Variants in FECH observed in about 807,000 individuals in gnomAD.
FECH encodes the protein ferrochelatase, also known as ferrochelatase, mitochondrial.
A neutral mutation model predicts 56.9 loss-of-function variants in FECH; 40 were observed. The observed-to-expected ratio is 0.70, with a 90% CI of 0.55 to 0.92. The LOEUF (loss-of-function observed/expected upper bound fraction) is 0.92. Ranked by LOEUF, FECH falls within the 40% of genes least tolerant of loss-of-function variation. The probability of loss-of-function intolerance (pLI) is 0.00; values close to 1 mark genes in which losing one functional copy is unlikely to be tolerated. For missense variants in FECH, 431 were observed against 529.1 expected, an observed-to-expected ratio of 0.81 and a Z score of 1.82; for synonymous variants, 175 against 198.6, an observed-to-expected ratio of 0.88 and a Z score of 1.00.
At chr18:57,551,198 T>C (rs2050792660) in intron 10 of FECH, 117 bp downstream of exon 10, 1 of 794,162 alleles carries the variant, frequency 1.3e-6, no homozygotes, top group African/African-American at 1.8e-5. Context: ...TTTATTTTTG[T>C]AATTAATTGG....
Position 57,549,021 on chromosome 18 carries a change from G to A in FECH, c.*1691C>T, listed in dbSNP as rs1023002905. ...CACCAGCTCAGAGAATTCACTTCAC[G>A]GTGGGACGGTCACTCAAAGTCTACT... On this transcript the variant is annotated 3_prime_UTR_variant, in exon 11 of 11. Transcript: ENST00000262093. 1.1e-4 allele frequency: 17 copies of A among 152,062 alleles called. No individual in the cohort carries two copies. The highest frequency in any genetic ancestry group is 3.9e-4 in the African/African-American group (16 of 41,386). The allele number at this position is 152,062 out of a possible 1,614,324, so 9.4% of individuals were successfully genotyped here.
chr18:57,578,104 AAC>A (rs1167609322), intron 2 of FECH, among the ~76,000 whole-genome samples: 1 of 152,194 alleles, frequency 6.6e-6, no homozygotes. Flanking sequence ...CTGCTAGAAA[AAC>A]ACACAAATGA....
chr18:57,553,431 G>A (rs1228824373), intron 9 of FECH, among the ~76,000 whole-genome samples: 1 of 152,186 alleles, frequency 6.6e-6, no homozygotes, highest in Admixed American at 6.5e-5. Flanking sequence ...CAGAGAGGGT[G>A]AAGTCTCCTG....
intron 3 of FECH, 141 bp from the exon 4 acceptor site, chr18:57,571,681 C>T (rs1484509348): frequency 8.6e-7 from 1 of 1,162,456 alleles, no homozygotes; most frequent in African/African-American, 1.5e-5. Flanking sequence ...AGCTTGAGGT[C>T]ATTGACAATA....
intron 2 of FECH, among the ~76,000 whole-genome samples, chr18:57,579,283 GTA>G (rs563890271): frequency 1.5e-4 from 12 of 81,098 alleles, no homozygotes; most frequent in South Asian, 8.6e-4. Flanking sequence ...ATGTGTGTGT[GTA>G]TATATGTGTG....
chr18:57,563,603 A>AAAAAAAAAAAAAC, intron 5 of FECH, among the ~76,000 whole-genome samples: 1 of 150,930 alleles, frequency 6.6e-6, no homozygotes, highest in African/African-American at 2.4e-5. Context: ...AAAAAAAAAA[A>AAAAAAAAAAAAAC]AGTATGTTAT....
At chr18:57,578,129 T>C (rs943190502) in intron 2 of FECH, among the ~76,000 whole-genome samples, 3 of 152,214 alleles carry the variant, frequency 2.0e-5, no homozygotes, top group African/African-American at 7.2e-5. Context: ...TAATTTTTCT[T>C]CTAGGATTCC....
chr18:57,563,468 T>C (rs1475353489), intron 5 of FECH, among the ~76,000 whole-genome samples: 1 of 147,946 alleles, frequency 6.8e-6, no homozygotes, highest in Non-Finnish European at 1.5e-5. Context: ...TAATCCCAGC[T>C]ACTCAGGAGG....
chr18:57,568,015 C>T (rs2051041240), intron 4 of FECH: 1 of 152,210 alleles, frequency 6.6e-6, no homozygotes, highest in African/African-American at 2.4e-5. Context: ...CATAAGCAAA[C>T]TCCAAATGAC....
In FECH at chr18:57,550,724, G is replaced by T; in HGVS notation, c.1260C>A (p.Ser420Arg). The T allele has an allele frequency of 6.2e-7, 1 of 1,614,014 alleles. No homozygotes were observed. The highest frequency in any genetic ancestry group is 8.5e-7 in the Non-Finnish European group (1 of 1,179,994). ...VCRETKSFFT[S>R]QQL ...CCACCGGCGGGGGTCACAGCTGCTG[G>T]CTGGTGAAGAAGGATTTAGTCTCCC... The change falls in exon 11 of 11, where the codon AGC becomes AGA. Residue 420 changes from serine to arginine, a missense_variant. By Grantham distance (110) the Ser-to-Arg change is moderately radical. Transcript: ENST00000262093.
Position 57,545,908 on chromosome 18 carries a change from T to A in FECH, c.*4804A>T, listed in dbSNP as rs1355460315. ...GGGATCTAACATACAGCATGGCGAA[T>A]GTAGTTAATAATACTTCAAGTACTG... is the stretch of plus-strand genomic sequence containing the variant. On this transcript the variant is annotated 3_prime_UTR_variant, in exon 11 of 11. Transcript: ENST00000262093. Among the ~76,000 whole-genome samples, 1 of 152,194 alleles carries A rather than the reference T, an allele frequency of 6.6e-6. No individual in the cohort carries two copies. Among genetic ancestry groups the A allele is most frequent in the Non-Finnish European group, 1.5e-5 (1 of 68,034 alleles).
At chr18:57,555,244 T>C (rs2050853761) in intron 7 of FECH, among the ~76,000 whole-genome samples, 1 of 152,242 alleles carries the variant, frequency 6.6e-6, no homozygotes, top group Non-Finnish European at 1.5e-5. Context: ...AGGATGGTTC[T>C]CTCTCCCTCA....
chr18:57,554,284 C>T lies in FECH; in HGVS notation c.1053G>A (p.Glu351=), dbSNP rs2050837986. 1 of 1,614,192 alleles carries T rather than the reference C, an allele frequency of 6.2e-7. No homozygotes were observed. Among genetic ancestry groups the T allele is most frequent in the South Asian group, 1.1e-5 (1 of 91,084 alleles). Residue 351 remains glutamate, a synonymous_variant, in exon 9 of 11, where the codon GAG becomes GAA. Transcript: ENST00000262093. ...CCTCCTTGGCTAAAACTTGAGAGTA[C>T]TCGATGTCCAGCTCATACAGCGTTT... The part of the protein sequence containing the change: ...HIETLYELDI[E]YSQVLAKECG...
Position 57,550,586 on chromosome 18 carries a change from C to A in FECH, c.*126G>T. ...CCTCAAGAAACCACACAATTTGTAC[C>A]CAAAGGCTGTATATATATCAAGGAA... On this transcript the variant is annotated 3_prime_UTR_variant, in exon 11 of 11. Transcript: ENST00000262093. 1 of 1,220,874 alleles carries A rather than the reference C, an allele frequency of 8.2e-7. No homozygotes were observed. 75.6% of individuals were successfully genotyped at this position (1,220,874 alleles called of 1,614,324 possible). A position where few individuals can be genotyped will look rare whatever the true frequency, so the allele number is the denominator to read the frequency against.
intron 4 of FECH, among the ~76,000 whole-genome samples, chr18:57,569,396 C>T (rs1457307239): frequency 6.6e-6 from 1 of 152,176 alleles, no homozygotes; most frequent in Non-Finnish European, 1.5e-5. Flanking sequence ...CAGCATGAAA[C>T]ATGTTTATCT....
chr18:57,550,257 T>C lies in FECH; in HGVS notation c.*455A>G, dbSNP rs1002505084. The C allele has an allele frequency of 6.4e-6, 1 of 155,306 alleles. No individual in the cohort carries two copies. The highest frequency in any genetic ancestry group is 2.4e-5 in the African/African-American group (1 of 41,474). The allele number at this position is 155,306 out of a possible 1,614,324, so 9.6% of individuals were successfully genotyped here. Reference sequence around the variant, plus strand: ...AGGGAAAGATTAAGTAACATTTCTTTTTCAAATTCACTTCAAATACTCAAC... The same window carrying C: ...AGGGAAAGATTAAGTAACATTTCTTCTTCAAATTCACTTCAAATACTCAAC... On this transcript the variant is annotated 3_prime_UTR_variant, in exon 11 of 11. Coordinates refer to ENST00000262093, the MANE Select transcript of FECH (RefSeq NM_000140.5).
chr18:57,554,147 A>G, intron 9 of FECH, 113 bp downstream of exon 9: 2 of 1,132,668 alleles, frequency 1.8e-6, no homozygotes, highest in Non-Finnish European at 2.7e-6. Context: ...AGGACACCGT[A>G]CATGCAAACA....
intron 2 of FECH, among the ~76,000 whole-genome samples, chr18:57,576,241 G>C (rs1230779461): frequency 1.3e-5 from 2 of 152,174 alleles, no homozygotes; most frequent in African/African-American, 4.8e-5. Flanking sequence ...CACTGTCTTA[G>C]AGAAAGAGGG....
Position 57,554,843 on chromosome 18 carries a change from ACCTTGGATTG to A in FECH, c.904_912+1del. 2 of 1,613,172 alleles carry A rather than the reference ACCTTGGATTG, an allele frequency of 1.2e-6. No individual in the cohort carries two copies. The highest frequency in any genetic ancestry group is 1.7e-6 in the Non-Finnish European group (2 of 1,179,150). ...CCGCCCGCCAGTGTGGAAGCCACTT[ACCTTGGATTG>A]CCACACCAGTCGGTAGGGGTTGCAG... is the stretch of plus-strand genomic sequence containing the variant. On this transcript the variant is annotated splice_donor_variant and coding_sequence_variant, in exon 8 of 11. Coordinates refer to ENST00000262093, the MANE Select transcript of FECH (RefSeq NM_000140.5). LOFTEE classifies it high-confidence loss of function.
Sources: allele counts gnomAD v4.1 joint callset (sites outside exome capture counted in the v4.1 genomes callset), GRCh38; gene constraint gnomAD v4.1.1; transcripts MANE v1.5; gene names NCBI Gene and HGNC (gene_info 2026-07-23, HGNC 2026-07-21).